Variants in RAD50 observed in about 807,000 individuals in gnomAD.
RAD50 encodes the protein RAD50 double strand break repair protein, also known as DNA repair protein RAD50.
In RAD50, 132 loss-of-function variants were observed where a neutral mutation model predicts 168.8. The ratio of observed to expected loss-of-function variants is 0.78; its 90% CI spans 0.68 to 0.90. RAD50 has a LOEUF of 0.90. Among genes scored for constraint, RAD50 ranks in the 40% least tolerant of loss-of-function variants. RAD50 has a pLI of 0.00. For synonymous variants in RAD50, 525 were observed against 497.4 expected, an observed-to-expected ratio of 1.06 and a Z score of -0.74; for missense variants, 1,347 against 1,534.4, an observed-to-expected ratio of 0.88 and a Z score of 2.04.
At chr5:132,623,202 G>A (rs1264425245) in intron 21 of RAD50, among the ~76,000 whole-genome samples, 1 of 152,166 alleles carries the variant, frequency 6.6e-6, no homozygotes, top group African/African-American at 2.4e-5. Context: ...TTCATGGCTG[G>A]GCACGGTGGC....
chr5:132,617,880 A>G (rs1455114605), intron 20 of RAD50, among the ~76,000 whole-genome samples, 190 bp from the exon 21 acceptor site: 1 of 152,190 alleles, frequency 6.6e-6, no homozygotes, highest in East Asian at 1.9e-4. Flanking sequence ...TGCGGCAGAG[A>G]TATGGAAGGA....
At chr5:132,584,587 A>G (rs944797828) in intron 5 of RAD50, among the ~76,000 whole-genome samples, 2 of 152,202 alleles carry the variant, frequency 1.3e-5, no homozygotes, top group African/African-American at 4.8e-5. Flanking sequence ...CAGCCATCCC[A>G]TTACTGGGTA....
At chr5:132,603,850 A>G in intron 14 of RAD50, 70 bp from the exon 15 acceptor site, 1 of 1,329,216 alleles carries the variant, frequency 7.5e-7, no homozygotes, top group Non-Finnish European at 1.1e-6. Flanking sequence ...TGATAAGAGC[A>G]ATTAATTTTT....
chr5:132,605,696 C>T (rs564726340), intron 16 of RAD50, among the ~76,000 whole-genome samples: 7 of 152,226 alleles, frequency 4.6e-5, no homozygotes, highest in South Asian at 2.1e-4. Flanking sequence ...AGCACCTCAT[C>T]GCACTTATTC....
At chr5:132,572,360 A>G (rs137952663) in intron 2 of RAD50, among the ~76,000 whole-genome samples, 244 of 152,312 alleles carry the variant, frequency 1.6e-3, no homozygotes, top group African/African-American at 5.5e-3. Flanking sequence ...TCTTATAACT[A>G]TGTTCATAGA....
chr5:132,634,309 T>G (rs1457564769), intron 21 of RAD50, among the ~76,000 whole-genome samples: 1 of 152,122 alleles, frequency 6.6e-6, no homozygotes, highest in Non-Finnish European at 1.5e-5. Flanking sequence ...TTCCTAGGCA[T>G]TTTAGGGTTT....
At chr5:132,598,142 G>T (rs144196241) in intron 13 of RAD50, among the ~76,000 whole-genome samples, 1 of 151,154 alleles carries the variant, frequency 6.6e-6, no homozygotes, top group Non-Finnish European at 1.5e-5. Context: ...CCACCTCCCC[G>T]GTTCAAGCAA....
intron 17 of RAD50, 127 bp from the exon 18 acceptor site, chr5:132,608,990 A>G (rs1327466195): frequency 1.4e-6 from 2 of 1,388,088 alleles, no homozygotes; most frequent in African/African-American, 2.9e-5. Context: ...GTCTGCGATC[A>G]TAAAATTCAG....
At chr5:132,596,494 T>C (rs1003165438) in intron 13 of RAD50, among the ~76,000 whole-genome samples, 1 of 152,242 alleles carries the variant, frequency 6.6e-6, no homozygotes, top group Non-Finnish European at 1.5e-5. Flanking sequence ...ACTATGTTTT[T>C]AATGTCTTTT....
At chr5:132,590,038 A>T (rs1484212273) in intron 9 of RAD50, among the ~76,000 whole-genome samples, 1 of 152,154 alleles carries the variant, frequency 6.6e-6, no homozygotes, top group Non-Finnish European at 1.5e-5. Context: ...TTAGAATCAC[A>T]TAGGGAGCTT....
In RAD50 at chr5:132,618,155, G is replaced by T. The variant is rs765931959; in HGVS notation, c.3250G>T (p.Glu1084Ter). ...AGGGCGACAGAAAGGTTATGAAGAA[G>T]AAATTATTCATTTTAAGAAAGAACT... The part of the protein sequence containing the change: ...ALGRQKGYEE[E>*]IIHFKKELRE... Residue 1084 changes from glutamate to a stop codon, truncating the protein, a stop_gained, in exon 21 of 25, where the codon GAA becomes TAA. Coordinates refer to ENST00000378823, the MANE Select transcript of RAD50 (RefSeq NM_005732.4). LOFTEE classifies it high-confidence loss of function. 1.9e-6 allele frequency: 3 copies of T among 1,613,820 alleles called. No homozygotes were observed. The highest frequency in any genetic ancestry group is 2.5e-6 in the Non-Finnish European group (3 of 1,179,860).
chr5:132,613,790 T>C (rs1373416181), intron 19 of RAD50, among the ~76,000 whole-genome samples: 2 of 151,800 alleles, frequency 1.3e-5, no homozygotes, highest in Admixed American at 1.3e-4. Context: ...AGAGGTGGGG[T>C]TTCACTATGT....
In RAD50 at chr5:132,559,710, A is replaced by T. The variant is rs151283938; in HGVS notation, c.213+343A>T. ...GCTTTGTATGTCTGAGATATTTTCT[A>T]CTTAAAGTGCATGAACACTTTAGTA... On this transcript the variant is annotated intron_variant, in intron 2 of 24. Transcript: ENST00000378823. Among the ~76,000 whole-genome samples, 247 of 152,270 alleles carry T rather than the reference A, an allele frequency of 1.6e-3. 2 individuals are homozygous for T. Among genetic ancestry groups the T allele is most frequent in the African/African-American group, 5.8e-3 (240 of 41,544 alleles).
chr5:132,629,172 A>G (rs1312254997), intron 21 of RAD50, among the ~76,000 whole-genome samples: 1 of 152,160 alleles, frequency 6.6e-6, no homozygotes, highest in South Asian at 2.1e-4. Context: ...CACTTCCAAG[A>G]TTAGGCTATA....
At chr5:132,620,018 C>T (rs1339952185) in intron 21 of RAD50, among the ~76,000 whole-genome samples, 6 of 151,202 alleles carry the variant, frequency 4.0e-5, no homozygotes, top group Non-Finnish European at 7.4e-5. Flanking sequence ...CATTCTCCTG[C>T]CTCAGCCTCC....
intron 4 of RAD50, 109 bp downstream of exon 4, chr5:132,579,611 G>T: frequency 1.1e-5 from 13 of 1,143,504 alleles, no homozygotes; most frequent in Non-Finnish European, 1.5e-5. Context: ...AAGGTCATCA[G>T]TTACTACCTC....
At chr5:132,619,325 G>A (rs1006090378) in intron 21 of RAD50, among the ~76,000 whole-genome samples, 2 of 152,122 alleles carry the variant, frequency 1.3e-5, no homozygotes, top group African/African-American at 4.8e-5. Context: ...TCTGACATTG[G>A]TTTTATAAAT....
chr5:132,577,272 C>T (rs900553441), intron 3 of RAD50, among the ~76,000 whole-genome samples: 10 of 152,164 alleles, frequency 6.6e-5, no homozygotes, highest in African/African-American at 1.9e-4. Flanking sequence ...ACCTCTTCTT[C>T]TCTCTTCTTC....
Position 132,619,609 on chromosome 5 carries a change from C to T in RAD50, c.3389+1315C>T, listed in dbSNP as rs954471536. 4.6e-5 allele frequency among the ~76,000 whole-genome samples: 7 copies of T among 152,064 alleles called. No homozygotes were observed. In the South Asian group the frequency reaches 1.5e-3, roughly 32 times the overall value. ...GATTTAAATGTGTTCTTTATCTCTTCTGCATTTCAATTCCTTTTCAGTTAT... is the reference window on the plus strand; with the variant it reads ...GATTTAAATGTGTTCTTTATCTCTTTTGCATTTCAATTCCTTTTCAGTTAT... On this transcript the variant is annotated intron_variant, in intron 21 of 24. Transcript: ENST00000378823.
Sources: allele counts gnomAD v4.1 joint callset (sites outside exome capture counted in the v4.1 genomes callset), GRCh38; gene constraint gnomAD v4.1.1; transcripts MANE v1.5; gene names NCBI Gene and HGNC (gene_info 2026-07-23, HGNC 2026-07-21).